The following ZBTB20 variants were observed in gnomAD, a reference collection of about 807,000 sequenced individuals.
ZBTB20 encodes zinc finger and BTB domain containing 20.
In ZBTB20, 9 loss-of-function variants were observed where a neutral mutation model predicts 56.9. The observed-to-expected ratio is 0.16, with a 90% CI of 0.10 to 0.28. ZBTB20 has a LOEUF of 0.28. Among genes scored for constraint, ZBTB20 ranks in the 10% least tolerant of loss-of-function variants. ZBTB20 has a pLI of 1.00. For synonymous variants in ZBTB20, 417 were observed against 420.7 expected, an observed-to-expected ratio of 0.99 and a Z score of 0.11; for missense variants, 655 against 1,003.0, an observed-to-expected ratio of 0.65 and a Z score of 4.69.
At chr3:114,565,008 T>C (rs764237663) in intron 6 of ZBTB20, among the ~76,000 whole-genome samples, 2 of 152,164 alleles carry the variant, frequency 1.3e-5, no homozygotes, top group Non-Finnish European at 2.9e-5. Context: ...CAATGAACAC[T>C]AACCCTTAAA....
rs1183650533 is a variant in ZBTB20, at chr3:114,317,519, G to A, written c.*21486C>T. 11 of 152,098 alleles carry A rather than the reference G, an allele frequency of 7.2e-5. No homozygotes were observed. The highest frequency in any genetic ancestry group is 7.2e-4 in the Admixed American group (11 of 15,274). 9.4% of individuals were successfully genotyped at this position (152,098 alleles called of 1,614,324 possible). On this transcript the variant is annotated 3_prime_UTR_variant, in exon 12 of 12. Coordinates refer to ENST00000675478, the MANE Select transcript of ZBTB20 (RefSeq NM_001348800.3). ...TTCAGGAAATGCTCTGAAATCAAAC[G>A]GATTTAGGCTGTCATGTACATGGTT... is the stretch of plus-strand genomic sequence containing the variant.
At chr3:114,579,248 C>A (rs979743137) in intron 6 of ZBTB20, among the ~76,000 whole-genome samples, 1 of 151,588 alleles carries the variant, frequency 6.6e-6, no homozygotes, top group Non-Finnish European at 1.5e-5. Context: ...TAAAACACAT[C>A]ATTTTATTTT....
intron 6 of ZBTB20, among the ~76,000 whole-genome samples, chr3:114,572,031 T>A (rs1004452256): frequency 1.3e-5 from 2 of 152,204 alleles, no homozygotes. Flanking sequence ...AGGCATGATG[T>A]TATTTGACAT....
At chr3:115,037,971 A>G (rs1323166105) in intron 2 of ZBTB20, among the ~76,000 whole-genome samples, 1 of 152,274 alleles carries the variant, frequency 6.6e-6, no homozygotes, top group South Asian at 2.1e-4. Context: ...GGTCTAAAAC[A>G]TGATTAAATA....
At chr3:114,990,438 T>C (rs2078752058) in intron 2 of ZBTB20, among the ~76,000 whole-genome samples, 1 of 152,200 alleles carries the variant, frequency 6.6e-6, no homozygotes, top group Admixed American at 6.5e-5. Flanking sequence ...CAGCCTTGCA[T>C]CTCAGGGATG....
chr3:114,395,924 T>G (rs1271552252), intron 7 of ZBTB20, among the ~76,000 whole-genome samples: 2 of 152,150 alleles, frequency 1.3e-5, no homozygotes, highest in South Asian at 2.1e-4. Flanking sequence ...GCACATCCCA[T>G]GCCATGAGCG....
chr3:114,989,600 A>T (rs2078708739), intron 2 of ZBTB20, among the ~76,000 whole-genome samples: 1 of 152,142 alleles, frequency 6.6e-6, no homozygotes, highest in Non-Finnish European at 1.5e-5. Context: ...TTTTGGTTCC[A>T]TATGAATTTT....
rs72954509 is a variant in ZBTB20 at position 114,633,107 on chromosome 3, A to T, written c.-295+60421T>A. On this transcript the variant is annotated intron_variant, in intron 6 of 11. Transcript: ENST00000675478. Reference sequence around the variant, plus strand: ...TCTACTTTCAAGATTTGTAAAAAGAAGTATATTTGTTCTCACACTGACTCT... The same window carrying T: ...TCTACTTTCAAGATTTGTAAAAAGATGTATATTTGTTCTCACACTGACTCT... Among the ~76,000 whole-genome samples, 328 of 152,350 alleles carry T rather than the reference A, an allele frequency of 2.2e-3. 4 individuals are homozygous for T. The highest frequency in any genetic ancestry group is 7.7e-3 in the African/African-American group (320 of 41,576).
chr3:114,477,696 T>C (rs1286764540), intron 7 of ZBTB20, among the ~76,000 whole-genome samples: 1 of 151,900 alleles, frequency 6.6e-6, no homozygotes, highest in South Asian at 2.1e-4. Context: ...GGTTTTTCCA[T>C]GTTGGTCATG....
At chr3:115,005,653 T>G (rs1255278671) in intron 2 of ZBTB20, among the ~76,000 whole-genome samples, 1 of 151,784 alleles carries the variant, frequency 6.6e-6, no homozygotes, top group Non-Finnish European at 1.5e-5. Context: ...TAGGTAACAA[T>G]CAAGGTGATT....
intron 3 of ZBTB20, among the ~76,000 whole-genome samples, chr3:114,909,779 T>C (rs2075457529): frequency 6.6e-6 from 1 of 151,864 alleles, no homozygotes; most frequent in Admixed American, 6.6e-5. Context: ...TGACTATATA[T>C]CAAAACTCAT....
intron 7 of ZBTB20, among the ~76,000 whole-genome samples, chr3:114,424,480 T>A (rs1011015669): frequency 6.6e-6 from 1 of 152,222 alleles, no homozygotes; most frequent in Non-Finnish European, 1.5e-5. Context: ...CTTCATGTAA[T>A]GCACGCCAAA....
At chr3:114,484,301 A>G (rs1247410346) in intron 7 of ZBTB20, among the ~76,000 whole-genome samples, 1 of 152,182 alleles carries the variant, frequency 6.6e-6, no homozygotes, top group Non-Finnish European at 1.5e-5. Flanking sequence ...CAACGTAATA[A>G]AAGCAAGTTT....
intron 7 of ZBTB20, among the ~76,000 whole-genome samples, chr3:114,437,188 G>A (rs1325405449): frequency 6.6e-6 from 1 of 152,096 alleles, no homozygotes; most frequent in East Asian, 1.9e-4. Flanking sequence ...GACAAGGACT[G>A]AAAAGAACCC....
At chr3:114,892,428 C>T (rs1413562252) in intron 4 of ZBTB20, among the ~76,000 whole-genome samples, 3 of 152,172 alleles carry the variant, frequency 2.0e-5, no homozygotes, top group Non-Finnish European at 2.9e-5. Flanking sequence ...CCATTATACT[C>T]CCTTATTTTT....
chr3:114,439,837 C>G (rs999990499), intron 7 of ZBTB20, among the ~76,000 whole-genome samples: 1 of 152,172 alleles, frequency 6.6e-6, no homozygotes. Context: ...TATACTTTGA[C>G]ACTAGACCAA....
intron 4 of ZBTB20, among the ~76,000 whole-genome samples, chr3:114,865,034 A>G (rs1320694354): frequency 3.3e-5 from 5 of 152,082 alleles, no homozygotes; most frequent in African/African-American, 9.7e-5. Context: ...ATGACAACCA[A>G]CTTCTCATTA....
intron 2 of ZBTB20, among the ~76,000 whole-genome samples, chr3:115,018,518 T>C (rs2080072035): frequency 6.6e-6 from 1 of 151,408 alleles, no homozygotes. Flanking sequence ...GGGTGCTAGA[T>C]GGCTTGGCAT....
At chr3:114,708,126 GA>G (rs1293685715) in intron 5 of ZBTB20, among the ~76,000 whole-genome samples, 1 of 152,140 alleles carries the variant, frequency 6.6e-6, no homozygotes, top group Non-Finnish European at 1.5e-5. Context: ...ACATGCATAA[GA>G]AAGAAACGCA....
Sources: gnomAD v4.1 joint callset for allele counts (sites outside exome capture counted in the v4.1 genomes callset) on GRCh38, gnomAD v4.1.1 for gene constraint, MANE v1.5 for transcripts, NCBI Gene and HGNC (gene_info 2026-07-23, HGNC 2026-07-21) for gene names.